Variants in PRKCB observed in about 807,000 individuals in gnomAD.
The protein encoded by PRKCB is protein kinase C beta.
Under a neutral mutation model 81.5 loss-of-function variants are expected in PRKCB, and 13 were observed. The ratio of observed to expected loss-of-function variants is 0.16; its 90% confidence interval spans 0.10 to 0.25. The LOEUF (loss-of-function observed/expected upper bound fraction) is 0.25. PRKCB is among the 10% of genes least tolerant of loss of function. The pLI, the probability that PRKCB is intolerant of heterozygous loss-of-function variation, is 1.00. For synonymous variants in PRKCB, 335 were observed against 321.4 expected, an observed-to-expected ratio of 1.04 and a Z score of -0.45; for missense variants, 509 against 875.7, an observed-to-expected ratio of 0.58 and a Z score of 5.29.
intron 3 of PRKCB, among the ~76,000 whole-genome samples, chr16:23,993,421 TC>T (rs34788776): frequency 6.6e-6 from 1 of 152,070 alleles, no homozygotes; most frequent in Non-Finnish European, 1.5e-5. Context: ...ATGCCTGACC[TC>T]CCCTGGTTTA....
chr16:24,026,186 T>C (rs1397123710), intron 3 of PRKCB, among the ~76,000 whole-genome samples: 1 of 152,118 alleles, frequency 6.6e-6, no homozygotes, highest in Non-Finnish European at 1.5e-5. Flanking sequence ...TCCCAGCTGC[T>C]CAGGAGGCTG....
Position 23,912,507 on chromosome 16 carries a change from C to CTTTTTTTTTTTTTTTTT in PRKCB, c.205+75108_205+75124dup, listed in dbSNP as rs1210105406. Among the ~76,000 whole-genome samples the CTTTTTTTTTTTTTTTTT allele has an allele frequency of 8.5e-4, 61 of 72,076 alleles. 4 individuals carry two copies. The highest frequency in any genetic ancestry group is 1.1e-3 in the African/African-American group (19 of 17,130). 47.3% of individuals were successfully genotyped at this position (72,076 alleles called of 152,430 possible). A position where few individuals can be genotyped will look rare whatever the true frequency, so the allele number is the denominator to read the frequency against. ...TCTTCTTTTCCTTTCTTTCTTTCTT[C>CTTTTTTTTTTTTTTTTT]TTTTTTTTTTTTTTTTTTTTTTTGA... On this transcript the variant is annotated intron_variant, in intron 2 of 16. Transcript: ENST00000643927.
rs191625889 is a variant in PRKCB, at chr16:23,985,362, G to T, written c.206-3146G>T. Among the ~76,000 whole-genome samples, 751 of 152,258 alleles carry T rather than the reference G, an allele frequency of 4.9e-3. 8 individuals carry two copies. The highest frequency in any genetic ancestry group is 0.017 in the African/African-American group (695 of 41,538). On this transcript the variant is annotated intron_variant, in intron 2 of 16. Transcript: ENST00000643927. ...TCTGCCTGCCTCAGTCTCCCAAAGTGCTAGGATTACAGGCATGAACCACTG... is the reference window on the plus strand; with the variant it reads ...TCTGCCTGCCTCAGTCTCCCAAAGTTCTAGGATTACAGGCATGAACCACTG...
At chr16:24,130,900 C>T (rs1966852477) in intron 9 of PRKCB, among the ~76,000 whole-genome samples, 1 of 152,204 alleles carries the variant, frequency 6.6e-6, no homozygotes, top group African/African-American at 2.4e-5. Flanking sequence ...CACGTCGTCT[C>T]AGCCACATTC....
rs72777993 is a variant in PRKCB, at chr16:23,926,754, A to C, written c.206-61754A>C. On this transcript the variant is annotated intron_variant, in intron 2 of 16. Transcript: ENST00000643927. ...CTTAAGTTGATTCCATATCTTTGCT[A>C]TTGTACTGTGATAAACGTATGAGTG... 2.7e-3 allele frequency among the ~76,000 whole-genome samples: 413 copies of C among 151,714 alleles called. 4 individuals are homozygous for C. The highest frequency in any genetic ancestry group is 6.9e-3 in the Middle Eastern group (2 of 288).
intron 3 of PRKCB, among the ~76,000 whole-genome samples, chr16:24,010,333 A>G (rs987652341): frequency 6.6e-6 from 1 of 152,162 alleles, no homozygotes; most frequent in Admixed American, 6.5e-5. Flanking sequence ...CTAAATTTAG[A>G]TTTTGACAGA....
intron 3 of PRKCB, among the ~76,000 whole-genome samples, chr16:24,009,409 C>T (rs7204422): frequency 0.074 from 11,228 of 151,364 alleles, 821 homozygotes; most frequent in African/African-American, 0.19. Flanking sequence ...TATTATCTCA[C>T]ACTTGTTAGG....
chr16:23,950,950 C>A (rs116304616), intron 2 of PRKCB, among the ~76,000 whole-genome samples: 1,866 of 152,282 alleles, frequency 0.012, 43 homozygotes, highest in African/African-American at 0.042. Context: ...ACTCTATTCC[C>A]TGAGTAGCAA....
At chr16:23,840,822 A>G (rs1014295965) in intron 2 of PRKCB, among the ~76,000 whole-genome samples, 1 of 152,176 alleles carries the variant, frequency 6.6e-6, no homozygotes, top group African/African-American at 2.4e-5. Context: ...GGAGCTTAAG[A>G]ATAGATTTTC....
At chr16:23,894,104 G>T (rs1195954299) in intron 2 of PRKCB, among the ~76,000 whole-genome samples, 1 of 152,182 alleles carries the variant, frequency 6.6e-6, no homozygotes, top group Non-Finnish European at 1.5e-5. Context: ...TGGGATGATG[G>T]TGGTATGTCA....
At chr16:23,890,211 G>A (rs1963271360) in intron 2 of PRKCB, among the ~76,000 whole-genome samples, 2 of 152,160 alleles carry the variant, frequency 1.3e-5, no homozygotes, top group Admixed American at 1.3e-4. Flanking sequence ...ACCTTTCACT[G>A]TCCAGTTTTA....
intron 10 of PRKCB, among the ~76,000 whole-genome samples, chr16:24,169,976 T>A (rs1439632711): frequency 5.9e-5 from 9 of 152,072 alleles, no homozygotes; most frequent in Non-Finnish European, 1.2e-4. Flanking sequence ...GAGACAGGGT[T>A]TCACTATGTT....
At chr16:24,111,907 A>G (rs1457246001) in intron 7 of PRKCB, among the ~76,000 whole-genome samples, 1 of 152,246 alleles carries the variant, frequency 6.6e-6, no homozygotes, top group African/African-American at 2.4e-5. Context: ...ATGCGTCATT[A>G]CATTTCAATT....
chr16:24,220,221 G>A lies in PRKCB; in HGVS notation c.*5405G>A. ...CGGTGCACATGCTGGCATTCAACAT[G>A]TGGAAAGCTTGTCTTAGAGGGCTTT... is the stretch of plus-strand genomic sequence containing the variant. On this transcript the variant is annotated 3_prime_UTR_variant, in exon 17 of 17. Coordinates refer to ENST00000643927, the MANE Select transcript of PRKCB (RefSeq NM_002738.7). 7.2e-7 allele frequency: 1 copy of A among 1,381,296 alleles called. No individual in the cohort carries two copies. Among genetic ancestry groups the A allele is most frequent in the Non-Finnish European group, 9.9e-7 (1 of 1,008,514 alleles). 85.6% of individuals were successfully genotyped at this position (1,381,296 alleles called of 1,614,324 possible).
intron 5 of PRKCB, among the ~76,000 whole-genome samples, chr16:24,070,759 A>C (rs1269713001): frequency 6.6e-6 from 1 of 152,192 alleles, no homozygotes; most frequent in Non-Finnish European, 1.5e-5. Flanking sequence ...TTTGAACTCA[A>C]ACTCAGGTCT....
At chr16:23,922,434 A>G (rs1479243071) in intron 2 of PRKCB, among the ~76,000 whole-genome samples, 2 of 152,216 alleles carry the variant, frequency 1.3e-5, no homozygotes, top group Non-Finnish European at 2.9e-5. Context: ...AAGACATGGT[A>G]TGGACCAAAA....
rs546877346 is a variant in PRKCB, at chr16:23,864,827, G to A, written c.205+27421G>A. ...GCTAAGGTTAGGGTTTCTATTGGTC[G>A]CGCCACTCACATAGTGAACCTAGCA... On this transcript the variant is annotated intron_variant, in intron 2 of 16. Coordinates refer to ENST00000643927, the MANE Select transcript of PRKCB (RefSeq NM_002738.7). Among the ~76,000 whole-genome samples the A allele has an allele frequency of 2.0e-5, 3 of 152,080 alleles. No homozygotes were observed. In the East Asian group the frequency reaches 5.8e-4, roughly 29 times the overall value.
chr16:24,110,509 C>A (rs1020501028), intron 7 of PRKCB, among the ~76,000 whole-genome samples: 97 of 125,328 alleles, frequency 7.7e-4, no homozygotes, highest in Non-Finnish European at 1.2e-3. Context: ...CCATGCCCAA[C>A]CTTTTTTTTT....
Position 23,908,011 on chromosome 16 carries a change from C to T in PRKCB, c.205+70605C>T, listed in dbSNP as rs1468367630. On this transcript the variant is annotated intron_variant, in intron 2 of 16. Transcript: ENST00000643927. ...GTGTATTGTTGGGGGCAGCAGGAAG[C>T]ACACGTGTCTATTCGGAGATTTGGG... 8.5e-5 allele frequency among the ~76,000 whole-genome samples: 13 copies of T among 152,214 alleles called. No homozygotes were observed. In the East Asian group the frequency reaches 1.5e-3, roughly 18 times the overall value.
Sources: allele counts gnomAD v4.1 joint callset (sites outside exome capture counted in the v4.1 genomes callset), GRCh38; gene constraint gnomAD v4.1.1; transcripts MANE v1.5; gene names NCBI Gene and HGNC (gene_info 2026-07-23, HGNC 2026-07-21).